NR2F1-AS1: variants seen among roughly 807,000 people sequenced by gnomAD.
NR2F1-AS1 encodes NR2F1 antisense RNA 1.
In NR2F1-AS1 at chr5:93,419,412, T is replaced by C. The variant is rs571142149; in HGVS notation, n.639-23870A>G. Among the ~76,000 whole-genome samples the C allele has an allele frequency of 4.6e-5, 7 of 152,344 alleles. No homozygotes were observed. In the South Asian group the frequency reaches 1.5e-3, roughly 32 times the overall value. Reference sequence around the variant, plus strand: ...GATATTCAAGTAAAAACATTTCTATTGCTGGGCACAGTGGCGTGCACCTGC... The same window carrying C: ...GATATTCAAGTAAAAACATTTCTATCGCTGGGCACAGTGGCGTGCACCTGC... On this transcript the variant is annotated intron_variant and non_coding_transcript_variant, in intron 4 of 5. Coordinates refer to ENST00000660523, the Ensembl canonical transcript of NR2F1-AS1.
chr5:93,473,977 T>G (rs1294804462), intron 4 of NR2F1-AS1, among the ~76,000 whole-genome samples: 1 of 152,042 alleles, frequency 6.6e-6, no homozygotes, highest in Non-Finnish European at 1.5e-5. Context: ...TTATAAATTA[T>G]AGAATTTAGA....
intron 4 of NR2F1-AS1, among the ~76,000 whole-genome samples, chr5:93,505,467 T>C (rs1751166606): frequency 6.6e-6 from 1 of 152,206 alleles, no homozygotes; most frequent in South Asian, 2.1e-4. Context: ...CACATTTCCC[T>C]TCTGCACTGC....
chr5:93,453,764 T>C (rs184709945), intron 4 of NR2F1-AS1, among the ~76,000 whole-genome samples: 48 of 152,218 alleles, frequency 3.2e-4, no homozygotes, highest in Admixed American at 9.8e-4. Flanking sequence ...AAAATATATC[T>C]TTTAAAAAAT....
At chr5:93,510,772 C>T (rs10077030) in intron 4 of NR2F1-AS1, among the ~76,000 whole-genome samples, 5,239 of 152,172 alleles carry the variant, frequency 0.034, 295 homozygotes, top group African/African-American at 0.12. Flanking sequence ...CCAAAGAATG[C>T]GGAAGAATTA....
intron 4 of NR2F1-AS1, among the ~76,000 whole-genome samples, chr5:93,499,735 T>C (rs1384496640): frequency 2.0e-5 from 3 of 152,176 alleles, no homozygotes; most frequent in South Asian, 2.1e-4. Flanking sequence ...CTAGGCCTCT[T>C]GTGCCAAACA....
chr5:93,463,287 A>C (rs1750140984), intron 4 of NR2F1-AS1, among the ~76,000 whole-genome samples: 1 of 152,208 alleles, frequency 6.6e-6, no homozygotes, highest in Non-Finnish European at 1.5e-5. Flanking sequence ...AGCCTTGGCA[A>C]CTTCCACATG....
chr5:93,526,009 A>G (rs1466618861), intron 4 of NR2F1-AS1, among the ~76,000 whole-genome samples: 1 of 152,216 alleles, frequency 6.6e-6, no homozygotes, highest in Non-Finnish European at 1.5e-5. Context: ...CTAAGATCAG[A>G]GCAGAACTGA....
At chr5:93,515,517 A>C (rs903102627) in intron 4 of NR2F1-AS1, among the ~76,000 whole-genome samples, 1 of 151,946 alleles carries the variant, frequency 6.6e-6, no homozygotes, top group Non-Finnish European at 1.5e-5. Context: ...CTTAATTTTG[A>C]AATTATTTGA....
chr5:93,442,822 G>C (rs533115503), intron 4 of NR2F1-AS1, among the ~76,000 whole-genome samples: 3 of 152,212 alleles, frequency 2.0e-5, no homozygotes, highest in Non-Finnish European at 4.4e-5. Flanking sequence ...CATACAGCCA[G>C]ATGCCCCTCT....
At position 93,516,205 on chromosome 5, in the gene NR2F1-AS1, G is replaced by T. The variant is rs367856314; in HGVS notation, n.638+37556C>A. Among the ~76,000 whole-genome samples the T allele has an allele frequency of 6.6e-5, 10 of 151,878 alleles. No individual in the cohort carries two copies. The East Asian group carries it at 1.9e-3, about 29-fold the overall frequency. ...ACACACTTACAGAGTGTTTTCAAAG[G>T]AAGTAAACAAGGTCAAAAGGTAAGA... On this transcript the variant is annotated intron_variant and non_coding_transcript_variant, in intron 4 of 5. Coordinates refer to ENST00000660523, the Ensembl canonical transcript of NR2F1-AS1.
chr5:93,432,424 T>TTCAG (rs1749346803), intron 4 of NR2F1-AS1: 1 of 152,090 alleles, frequency 6.6e-6, no homozygotes, highest in Non-Finnish European at 1.5e-5. Flanking sequence ...GCCCTCCATG[T>TTCAG]CTGAATTCTG....
At chr5:93,561,213 C>T (rs570254954) in intron 2 of NR2F1-AS1, among the ~76,000 whole-genome samples, 4 of 151,744 alleles carry the variant, frequency 2.6e-5, no homozygotes, top group Non-Finnish European at 5.9e-5. Context: ...GCAGAGGTTG[C>T]GGTAAGCCGA....
At chr5:93,548,465 C>T (rs1372312734) in intron 4 of NR2F1-AS1, among the ~76,000 whole-genome samples, 1 of 152,164 alleles carries the variant, frequency 6.6e-6, no homozygotes, top group African/African-American at 2.4e-5. Flanking sequence ...GTAGAAAGTA[C>T]AGAGTCAGAC....
At chr5:93,474,166 C>T (rs1413572426) in intron 4 of NR2F1-AS1, among the ~76,000 whole-genome samples, 2 of 152,058 alleles carry the variant, frequency 1.3e-5, no homozygotes, top group African/African-American at 4.8e-5. Flanking sequence ...ACTTTGTATA[C>T]AAAATTGTCA....
At chr5:93,561,459 A>T (rs1009523548) in intron 2 of NR2F1-AS1, among the ~76,000 whole-genome samples, 3 of 152,090 alleles carry the variant, frequency 2.0e-5, no homozygotes, top group Admixed American at 2.0e-4. Context: ...AAGACCAAAC[A>T]TAGGTATTTT....
At chr5:93,446,001 C>CTT (rs1749696479) in intron 4 of NR2F1-AS1, among the ~76,000 whole-genome samples, 1 of 152,142 alleles carries the variant, frequency 6.6e-6, no homozygotes, top group Non-Finnish European at 1.5e-5. Flanking sequence ...AATTCAACAG[C>CTT]CCTTCATCCT....
At chr5:93,543,551 AT>A (rs1752005711) in intron 4 of NR2F1-AS1, 1 of 152,162 alleles carries the variant, frequency 6.6e-6, no homozygotes, top group Non-Finnish European at 1.5e-5. Flanking sequence ...GAAAAAAAAA[AT>A]GACTCAGAGA....
chr5:93,494,498 G>A (rs746412435), intron 4 of NR2F1-AS1, among the ~76,000 whole-genome samples: 5 of 152,062 alleles, frequency 3.3e-5, no homozygotes, highest in Non-Finnish European at 5.9e-5. Flanking sequence ...CAGGAATGGT[G>A]GTGTGTGCCT....
intron 4 of NR2F1-AS1, among the ~76,000 whole-genome samples, chr5:93,453,282 A>G (rs1561445265): frequency 6.6e-6 from 1 of 152,132 alleles, no homozygotes; most frequent in Non-Finnish European, 1.5e-5. Flanking sequence ...AAGTAGAAAA[A>G]GACCCCCCAA....
Sources: gnomAD v4.1 joint callset for allele counts (sites outside exome capture counted in the v4.1 genomes callset) on GRCh38, gnomAD v4.1.1 for gene constraint, MANE v1.5 for transcripts, NCBI Gene and HGNC (gene_info 2026-07-23, HGNC 2026-07-21) for gene names.